Variants in COL4A4 observed in about 807,000 individuals in gnomAD.
COL4A4 encodes the protein collagen type IV alpha 4 chain.
Under a neutral mutation model 192.9 loss-of-function variants are expected in COL4A4, and 105 were observed. The observed-to-expected ratio is 0.54, with a 90% CI of 0.46 to 0.64. The LOEUF (loss-of-function observed/expected upper bound fraction) is 0.64. Among genes scored for constraint, COL4A4 ranks in the 30% least tolerant of loss-of-function variants. COL4A4 has a pLI of 0.00. For missense variants in COL4A4, 1,967 were observed against 2,169.3 expected (o/e 0.91, Z 1.85); for synonymous variants, 762 against 769.9 (o/e 0.99, Z 0.17).
At chr2:227,156,204 G>C (rs754879208) in intron 1 of COL4A4, among the ~76,000 whole-genome samples, 1 of 152,032 alleles carries the variant, frequency 6.6e-6, no homozygotes, top group Non-Finnish European at 1.5e-5. Flanking sequence ...TTTGAGACCA[G>C]CCTGGGCAAC....
intron 4 of COL4A4, among the ~76,000 whole-genome samples, chr2:227,126,413 C>A (rs1287205853): frequency 6.6e-6 from 1 of 152,208 alleles, no homozygotes; most frequent in African/African-American, 2.4e-5. Context: ...GCAAACTGTG[C>A]AGAGTACAAC....
At chr2:227,113,585 G>A (rs1360523865) in intron 8 of COL4A4, among the ~76,000 whole-genome samples, 1 of 151,942 alleles carries the variant, frequency 6.6e-6, no homozygotes, top group Non-Finnish European at 1.5e-5. Flanking sequence ...TAAGGGAGTT[G>A]CTTAAAGTCA....
intron 37 of COL4A4, among the ~76,000 whole-genome samples, chr2:227,035,803 T>A (rs1287783299): frequency 6.6e-6 from 1 of 152,182 alleles, no homozygotes; most frequent in African/African-American, 2.4e-5. Flanking sequence ...GATTGATGGC[T>A]TGGGGACTTG....
At chr2:227,026,055 C>T (rs1966848237) in intron 42 of COL4A4, among the ~76,000 whole-genome samples, 1 of 152,094 alleles carries the variant, frequency 6.6e-6, no homozygotes, top group Non-Finnish European at 1.5e-5. Flanking sequence ...ACTTGAAACT[C>T]TCTTGAGCAA....
At chr2:227,121,343 A>G (rs1022549037) in intron 4 of COL4A4, among the ~76,000 whole-genome samples, 195 bp from the exon 5 acceptor site, 1 of 152,078 alleles carries the variant, frequency 6.6e-6, no homozygotes, top group Non-Finnish European at 1.5e-5. Flanking sequence ...AACGAGGTTC[A>G]CTCGAGCTCA....
chr2:227,100,808 CTT>C (rs113276669), intron 17 of COL4A4, among the ~76,000 whole-genome samples: 30 of 142,188 alleles, frequency 2.1e-4, no homozygotes, highest in Admixed American at 2.1e-4. Flanking sequence ...CTGCGCTATT[CTT>C]TTTTTTTTTT....
chr2:227,110,840 G>A (rs906991388), intron 9 of COL4A4, among the ~76,000 whole-genome samples: 6 of 151,394 alleles, frequency 4.0e-5, no homozygotes, highest in African/African-American at 9.7e-5. Flanking sequence ...GCGCCACCAC[G>A]CCTGGCTAAT....
At chr2:227,018,946 C>T (rs769228914) in intron 44 of COL4A4, among the ~76,000 whole-genome samples, 7 of 152,238 alleles carry the variant, frequency 4.6e-5, no homozygotes, top group Non-Finnish European at 1.0e-4. Context: ...TCAAAGATAA[C>T]TATCATGTTC....
At position 227,059,457 on chromosome 2, in the gene COL4A4, T is replaced by A. The variant is rs1482017243; in HGVS notation, c.2331A>T (p.Gly777=). The A allele has an allele frequency of 6.2e-7, 1 of 1,614,110 alleles. No homozygotes were observed. Among genetic ancestry groups the A allele is most frequent in the South Asian group, 1.1e-5 (1 of 91,068 alleles). ...LGPPGKRGLS[G]VPGIKGPRGD... ...CTCTGGGTCCTTTTATCCCTGGCAC[T>A]CCTGAAAGACCCCTCTTTCCCGGGG... is the stretch of plus-strand genomic sequence containing the variant. Residue 777 remains glycine, a synonymous_variant, in exon 28 of 48, where the codon GGA becomes GGT. Coordinates refer to ENST00000396625, the MANE Select transcript of COL4A4 (RefSeq NM_000092.5).
intron 27 of COL4A4, 48 bp downstream of exon 27, chr2:227,060,088 T>C (rs1976512447): frequency 1.1e-6 from 1 of 926,390 alleles, no homozygotes; most frequent in Non-Finnish European, 1.5e-6. Context: ...TCCTGATAGA[T>C]ATTCCCAAAG....
intron 44 of COL4A4, among the ~76,000 whole-genome samples, chr2:227,020,960 C>T (rs560037259): frequency 6.8e-6 from 1 of 147,824 alleles, no homozygotes; most frequent in South Asian, 2.2e-4. Flanking sequence ...CTGCCTCCAC[C>T]GTTCAAGCGA....
intron 44 of COL4A4, among the ~76,000 whole-genome samples, chr2:227,017,370 G>T (rs1485355976): frequency 2.6e-5 from 4 of 152,176 alleles, no homozygotes; most frequent in African/African-American, 9.6e-5. Context: ...CCACCTTACG[G>T]ACTTGTTCCC....
the COL4A4 span, chr2:226,988,762 C>A: frequency 1.1e-6 from 1 of 898,186 alleles, no homozygotes; most frequent in Non-Finnish European, 1.3e-6. Flanking sequence ...GAGAATTATT[C>A]CTGTAAGAAG....
chr2:227,108,961 G>A, intron 10 of COL4A4, 93 bp from the exon 11 acceptor site: 2 of 1,252,476 alleles, frequency 1.6e-6, no homozygotes, highest in Admixed American at 1.7e-5. Context: ...GTCCTATTTA[G>A]GAAACCCTTA....
chr2:227,160,871 G>A (rs992399257), intron 1 of COL4A4, among the ~76,000 whole-genome samples: 4 of 152,048 alleles, frequency 2.6e-5, no homozygotes, highest in Non-Finnish European at 5.9e-5. Context: ...GATATGAGTT[G>A]GTAATCACTC....
chr2:227,045,783 CAT>C (rs769553506), intron 35 of COL4A4, among the ~76,000 whole-genome samples: 2,632 of 56,740 alleles, frequency 0.046, 461 homozygotes, highest in African/African-American at 0.23. Flanking sequence ...AAAAAAAATA[CAT>C]ATATATATAT....
chr2:227,032,483 T>C (rs548526758), intron 38 of COL4A4, among the ~76,000 whole-genome samples: 4 of 152,344 alleles, frequency 2.6e-5, no homozygotes, highest in South Asian at 4.1e-4. Context: ...ATTTCTTTTA[T>C]AGTTATTTTC....
the COL4A4 span, among the ~76,000 whole-genome samples, chr2:226,991,374 G>T: frequency 1.3e-5 from 2 of 152,136 alleles, no homozygotes; most frequent in Admixed American, 6.5e-5. Context: ...TAGAGTCGGG[G>T]TTTCACCACG....
chr2:227,099,828 T>C, intron 17 of COL4A4, 139 bp from the exon 18 acceptor site: 1 of 758,544 alleles, frequency 1.3e-6, no homozygotes, highest in South Asian at 1.5e-5. Flanking sequence ...AAATGAAGCA[T>C]CCATGGAGTC....
Sources: gnomAD v4.1 joint callset for allele counts (sites outside exome capture counted in the v4.1 genomes callset) on GRCh38, gnomAD v4.1.1 for gene constraint, MANE v1.5 for transcripts, NCBI Gene and HGNC (gene_info 2026-07-23, HGNC 2026-07-21) for gene names.